The following CDH16 variants were observed in gnomAD, a reference collection of about 807,000 sequenced individuals.
The protein encoded by CDH16 is cadherin 16.
A neutral mutation model predicts 87.6 loss-of-function variants in CDH16; 79 were observed. The observed-to-expected ratio is 0.90, with a 90% CI of 0.75 to 1.09. The LOEUF is 1.09. Among genes scored for constraint, CDH16 ranks in the 50% least tolerant of loss-of-function variants. The pLI is 0.00. For missense variants in CDH16, 1,124 were observed against 1,071.7 expected, an observed-to-expected ratio of 1.05 and a Z score of -0.68; for synonymous variants, 457 against 439.5, an observed-to-expected ratio of 1.04 and a Z score of -0.50.
chr16:66,910,489 C>G lies in CDH16; in HGVS notation c.1938G>C (p.Leu646=). 1 of 1,533,862 alleles carries G rather than the reference C, an allele frequency of 6.5e-7. No homozygotes were observed. The highest frequency in any genetic ancestry group is 1.4e-5 in the African/African-American group (1 of 72,936). The change falls in exon 15 of 18, where the codon CTG becomes CTC. Residue 646 remains leucine (L), a synonymous_variant. Coordinates refer to ENST00000299752, the MANE Select transcript of CDH16 (RefSeq NM_004062.4). Reference sequence around the variant, plus strand: ...GGATCACCAGGGGTGCAGAAGCGCTCAGTCTCGGCTCATCTGCAGAGGAGG... The same window carrying G: ...GGATCACCAGGGGTGCAGAAGCGCTGAGTCTCGGCTCATCTGCAGAGGAGG... ...VEAQDTDEPR[L]SASAPLVIHF...
At chr16:66,915,961 T>C (rs1315153586) in intron 5 of CDH16, 104 bp downstream of exon 5, 1 of 1,258,336 alleles carries the variant, frequency 7.9e-7, no homozygotes, top group Non-Finnish European at 1.1e-6. Context: ...GGGACAGAAA[T>C]GGCTGCCCTG....
intron 8 of CDH16, 61 bp from the exon 9 acceptor site, chr16:66,913,342 T>C: frequency 6.4e-7 from 1 of 1,551,368 alleles, no homozygotes; most frequent in Non-Finnish European, 8.7e-7. Context: ...CTTGCCTGGC[T>C]CTGAGTTTCC....
Position 66,909,912 on chromosome 16 carries a change from G to A in CDH16, c.2275+74C>T, listed in dbSNP as rs1962331704. Reference sequence around the variant, plus strand: ...GTCCACATGAGCAGCCTGTATGCATGTGTACCAGCTCCCTCCCCTTGCATC... The same window carrying A: ...GTCCACATGAGCAGCCTGTATGCATATGTACCAGCTCCCTCCCCTTGCATC... On this transcript the variant is annotated intron_variant, in intron 16 of 17. Coordinates refer to ENST00000299752, the MANE Select transcript of CDH16 (RefSeq NM_004062.4). This position sits in a 1 kb window ranked among gnomAD's most constrained non-coding sequence, Gnocchi z 4.1. 1 of 1,092,132 alleles carries A rather than the reference G, an allele frequency of 9.2e-7. No individual in the cohort carries two copies. The highest frequency in any genetic ancestry group is 1.6e-5 in the African/African-American group (1 of 64,138). 67.7% of individuals were successfully genotyped at this position (1,092,132 alleles called of 1,614,324 possible).
At position 66,912,583 on chromosome 16, in the gene CDH16, A is replaced by G. The variant is rs202043755; in HGVS notation, c.1283-3T>C. 5.6e-6 allele frequency: 9 copies of G among 1,614,164 alleles called. No homozygotes were observed. Among genetic ancestry groups the G allele is most frequent in the South Asian group, 1.1e-5 (1 of 91,082 alleles). ...GACTTCACACGTGCTGCTGAAGCCT[A>G]GGGCAGAGGTGGACGTGTTGGTGAG... On this transcript the variant is annotated splice_polypyrimidine_tract_variant and splice_region_variant and intron_variant, in intron 10 of 17. Transcript: ENST00000299752.
rs776480564 is a variant in CDH16, at chr16:66,912,325, C to T, written c.1465G>A (p.Ala489Thr). Reference sequence around the variant, plus strand: ...CCTTCTGTGTCTCCCCTCTCAATGGCAAAATCCATGAGGCGGAAGGCGGGC... The same window carrying T: ...CCTTCTGTGTCTCCCCTCTCAATGGTAAAATCCATGAGGCGGAAGGCGGGC... ...LEPAFRLMDF[A>T]IERGDTEGTF... The change falls in exon 12 of 18, where the codon GCC becomes ACC. Residue 489 changes from alanine (A) to threonine (T), a missense_variant. Physicochemically the swap from Ala to Thr is moderately conservative, Grantham distance 58. Transcript: ENST00000299752. The T allele has an allele frequency of 3.7e-6, 6 of 1,614,144 alleles. No homozygotes were observed. The highest frequency in any genetic ancestry group is 5.1e-6 in the Non-Finnish European group (6 of 1,180,022).
At position 66,913,284 on chromosome 16, in the gene CDH16, G is replaced by C; in HGVS notation, c.904-3C>G. The C allele has an allele frequency of 6.4e-7, 1 of 1,551,270 alleles. No homozygotes were observed. The highest frequency in any genetic ancestry group is 1.4e-5 in the African/African-American group (1 of 73,308). On this transcript the variant is annotated splice_polypyrimidine_tract_variant and splice_region_variant and intron_variant, in intron 8 of 17. Transcript: ENST00000299752. ...TGAGCCCGCACCTGGAGCAGGTACT[G>C]CGGTGGGCAGTAGGGGGCTTCAGGT...
rs1567536763 is a variant in CDH16 at position 66,916,381 on chromosome 16, C to T, written c.178G>A (p.Asp60Asn). ...GAEGQIVLSG[D>N]SGKATEGPFA... ...GGGCCCTCAGTTGCCTTGCCTGAGT[C>T]CCCTGACAGCACGATCTGGCCTTCA... The change falls in exon 4 of 18, where the codon GAC becomes AAC. Residue 60 changes from aspartate (D) to asparagine (N), a missense_variant. Transcript: ENST00000299752. The surrounding 1 kb of genome is among the most constrained non-coding windows in gnomAD (Gnocchi z 4.1). 3.1e-6 allele frequency: 5 copies of T among 1,613,494 alleles called. No individual in the cohort carries two copies. Among genetic ancestry groups the T allele is most frequent in the South Asian group, 1.1e-5 (1 of 90,966 alleles).
At chr16:66,912,640 T>C (rs1962482205) in intron 10 of CDH16, 24 bp downstream of exon 10, 2 of 1,613,916 alleles carry the variant, frequency 1.2e-6, no homozygotes, top group African/African-American at 1.3e-5. Context: ...ACAGGGGGCC[T>C]GGGTCACCAA....
chr16:66,913,459 AG>A (rs757995842), intron 8 of CDH16, 31 bp downstream of exon 8: 1 of 1,613,880 alleles, frequency 6.2e-7, no homozygotes, highest in Non-Finnish European at 8.5e-7. Flanking sequence ...AAGCACCCCC[AG>A]CCTGCATCCC....
chr16:66,914,516 A>G, intron 6 of CDH16, 104 bp from the exon 7 acceptor site: 1 of 774,930 alleles, frequency 1.3e-6, no homozygotes. Flanking sequence ...ACAGCAGGTG[A>G]TTGGGACACT....
chr16:66,911,103 G>T, intron 14 of CDH16, 79 bp downstream of exon 14: 1 of 1,455,540 alleles, frequency 6.9e-7, no homozygotes, highest in Non-Finnish European at 9.2e-7. Flanking sequence ...AGGGCCTCTG[G>T]GAGGAAGCTC....
At chr16:66,915,494 C>T (rs1238330010) in intron 5 of CDH16, 116 bp from the exon 6 acceptor site, 31 of 1,143,336 alleles carry the variant, frequency 2.7e-5, no homozygotes, top group Admixed American at 1.1e-4. Flanking sequence ...ATCAGGACTC[C>T]GGAGATGAGC....
Position 66,908,398 on chromosome 16 carries a change from A to T in CDH16, c.2484T>A (p.Thr828=). Residue 828 remains threonine, a synonymous_variant, in exon 18 of 18, where the codon ACT becomes ACA. Coordinates refer to ENST00000299752, the MANE Select transcript of CDH16 (RefSeq NM_004062.4). The part of the protein sequence containing the change: ...QPADSVPLKA[T]V ...CTAGAGCTGCCTGGGCCATTCAGAC[A>T]GTCGCCTTCAGGGGCACGCTGTCTG... The T allele has an allele frequency of 6.2e-7, 1 of 1,613,806 alleles. No individual in the cohort carries two copies. The highest frequency in any genetic ancestry group is 1.1e-5 in the South Asian group (1 of 91,086).
rs144275381 is a variant in CDH16 at position 66,912,389 on chromosome 16, A to C, written c.1401T>G (p.Thr467=). 1.7e-3 allele frequency: 2,690 copies of C among 1,614,044 alleles called. 10 individuals are homozygous for C. Among genetic ancestry groups the C allele is most frequent in the South Asian group, 4.9e-3 (447 of 91,080 alleles). The change falls in exon 12 of 18, where the codon ACT becomes ACG. Residue 467 remains threonine (T), a synonymous_variant. Coordinates refer to ENST00000299752, the MANE Select transcript of CDH16 (RefSeq NM_004062.4). ...ISLPEDVEPG[T]LVAMLTAIDA... is the part of the protein sequence containing the mutation. Reference sequence around the variant, plus strand: ...CAATGGCTGTTAGCATGGCCACCAGAGTCCCGGGCTCCACATCCTCAGGGA... The same window carrying C: ...CAATGGCTGTTAGCATGGCCACCAGCGTCCCGGGCTCCACATCCTCAGGGA...
chr16:66,915,608 A>G (rs1238349252), intron 5 of CDH16, among the ~76,000 whole-genome samples: 1 of 152,186 alleles, frequency 6.6e-6, no homozygotes, highest in Admixed American at 6.5e-5. Flanking sequence ...ATGGTACAGG[A>G]TGGGCCAGGT....
In CDH16 at chr16:66,908,330, C is replaced by T. The variant is rs1196364908; in HGVS notation, c.*62G>A. The stretch of plus-strand genomic sequence containing the variant: ...CCTGCTGGATCTTGGGTGCTGGGCT[C>T]TCTCCCAGGGGACTCAGATGGAGCC... On this transcript the variant is annotated 3_prime_UTR_variant, in exon 18 of 18. Coordinates refer to ENST00000299752, the MANE Select transcript of CDH16 (RefSeq NM_004062.4). The T allele has an allele frequency of 7.3e-7, 1 of 1,370,654 alleles. No individual in the cohort carries two copies. Among genetic ancestry groups the T allele is most frequent in the Non-Finnish European group, 1.0e-6 (1 of 963,914 alleles). The allele number at this position is 1,370,654 out of a possible 1,614,324, so 84.9% of individuals were successfully genotyped here. A position where few individuals can be genotyped will look rare whatever the true frequency, so the allele number is the denominator to read the frequency against.
rs768349186 is a variant in CDH16 at position 66,910,039 on chromosome 16, A to G, written c.2222T>C (p.Ile741Thr). 4.8e-5 allele frequency: 78 copies of G among 1,612,920 alleles called. No individual in the cohort carries two copies. The highest frequency in any genetic ancestry group is 6.3e-5 in the Non-Finnish European group (74 of 1,179,374). The change falls in exon 16 of 18, where the codon ATA becomes ACA. Residue 741 changes from isoleucine to threonine, a missense_variant. Physicochemically the swap from Ile to Thr is moderately conservative, Grantham distance 89. Coordinates refer to ENST00000299752, the MANE Select transcript of CDH16 (RefSeq NM_004062.4). ...ALHWVEPREH[I>T]IPVVVSHNAQ... ...ATTGTGGCTGACCACCACGGGGATT[A>G]TGTGTTCACGTGGCTCCACCCAATG...
At position 66,912,860 on chromosome 16, in the gene CDH16, A is replaced by G. The variant is rs139711936; in HGVS notation, c.1086T>C (p.Asp362=). The change falls in exon 10 of 18, where the codon GAT becomes GAC. Residue 362 remains aspartate, a synonymous_variant. Coordinates refer to ENST00000299752, the MANE Select transcript of CDH16 (RefSeq NM_004062.4). ...GTEVTRLSAE[D]ADAPGSPNSH... ...AATTGGGGGAGCCGGGGGCATCTGCATCCTCTGCTGACAGTCTAGTCACTT... is the reference window on the plus strand; with the variant it reads ...AATTGGGGGAGCCGGGGGCATCTGCGTCCTCTGCTGACAGTCTAGTCACTT... 1.9e-6 allele frequency: 3 copies of G among 1,612,772 alleles called. No homozygotes were observed. The highest frequency in any genetic ancestry group is 2.5e-6 in the Non-Finnish European group (3 of 1,180,018).
At chr16:66,914,500 A>C in intron 6 of CDH16, 88 bp from the exon 7 acceptor site, 5 of 936,170 alleles carry the variant, frequency 5.3e-6, no homozygotes, top group Non-Finnish European at 8.3e-6. Context: ...ACACAAAACC[A>C]AGCATACAGC....
Sources: allele counts gnomAD v4.1 joint callset (sites outside exome capture counted in the v4.1 genomes callset), GRCh38; gene constraint gnomAD v4.1.1; non-coding constraint Gnocchi (gnomAD v3.1); transcripts MANE v1.5; gene names NCBI Gene and HGNC (gene_info 2026-07-23, HGNC 2026-07-21).